Variants in ERBB4 observed in about 807,000 individuals in gnomAD.
ERBB4 encodes erb-b2 receptor tyrosine kinase 4, also known as receptor tyrosine-protein kinase erbB-4.
A neutral mutation model predicts 158.0 loss-of-function variants in ERBB4; 42 were observed. The ratio of observed to expected loss-of-function variants is 0.27; its 90% CI spans 0.21 to 0.34. ERBB4 has a LOEUF of 0.34. ERBB4 is among the 10% of genes least tolerant of loss of function. The pLI is 1.00. For synonymous variants in ERBB4, 583 were observed against 558.7 expected, an observed-to-expected ratio of 1.04 and a Z score of -0.61; for missense variants, 1,333 against 1,624.1, an observed-to-expected ratio of 0.82 and a Z score of 3.08.
chr2:211,718,966 A>G (rs1481637507), intron 7 of ERBB4, among the ~76,000 whole-genome samples: 1 of 152,220 alleles, frequency 6.6e-6, no homozygotes, highest in Admixed American at 6.5e-5. Context: ...ACCAGGGAAT[A>G]GGTCCTACAG....
At chr2:211,780,714 C>G (rs866281455) in intron 4 of ERBB4, among the ~76,000 whole-genome samples, 1 of 152,150 alleles carries the variant, frequency 6.6e-6, no homozygotes, top group Non-Finnish European at 1.5e-5. Flanking sequence ...GTTCTCTTTG[C>G]TAATATTTTA....
At chr2:211,774,273 T>C (rs189769385) in intron 4 of ERBB4, among the ~76,000 whole-genome samples, 50 of 152,174 alleles carry the variant, frequency 3.3e-4, no homozygotes, top group African/African-American at 1.2e-3. Context: ...GGTTTCACCA[T>C]GTTGGCCAGG....
intron 20 of ERBB4, among the ~76,000 whole-genome samples, chr2:211,511,387 A>G (rs2065881690): frequency 6.6e-6 from 1 of 152,098 alleles, no homozygotes. Flanking sequence ...ATGTTCTTGA[A>G]TAAATACAGA....
chr2:212,212,643 C>G, intron 1 of ERBB4, among the ~76,000 whole-genome samples: 1 of 152,094 alleles, frequency 6.6e-6, no homozygotes, highest in African/African-American at 2.4e-5. Context: ...AAGCTGGAGG[C>G]GTCAGGCTAC....
At chr2:211,421,833 T>A (rs2063520549) in intron 24 of ERBB4, among the ~76,000 whole-genome samples, 174 bp downstream of exon 24, 3 of 151,954 alleles carry the variant, frequency 2.0e-5, no homozygotes, top group South Asian at 2.1e-4. Flanking sequence ...TGCTAAAAGG[T>A]GGATCTGACG....
intron 2 of ERBB4, among the ~76,000 whole-genome samples, chr2:212,038,397 C>CT (rs2077063729): frequency 6.6e-6 from 1 of 152,036 alleles, no homozygotes; most frequent in Non-Finnish European, 1.5e-5. Context: ...TTCTCCAAGG[C>CT]TTTTTACTAC....
intron 3 of ERBB4, among the ~76,000 whole-genome samples, chr2:211,887,975 C>T (rs953531570): frequency 6.6e-6 from 1 of 152,144 alleles, no homozygotes; most frequent in Non-Finnish European, 1.5e-5. Flanking sequence ...AAATTAGGCT[C>T]TCATTAACAT....
intron 25 of ERBB4, among the ~76,000 whole-genome samples, chr2:211,415,107 CTTTTT>C (rs71047175): frequency 6.5e-4 from 47 of 72,538 alleles, no homozygotes; most frequent in Admixed American, 1.9e-3. Context: ...CTTACATTTT[CTTTTT>C]TTTTTTTTTT....
chr2:211,574,930 A>G (rs139360201), intron 19 of ERBB4, among the ~76,000 whole-genome samples: 6 of 152,346 alleles, frequency 3.9e-5, no homozygotes, highest in African/African-American at 1.4e-4. Context: ...TTCTTGTTGA[A>G]TTATGTCAGC....
intron 15 of ERBB4, among the ~76,000 whole-genome samples, chr2:211,662,243 T>G (rs564721271): frequency 6.6e-6 from 1 of 151,982 alleles, no homozygotes; most frequent in East Asian, 1.9e-4. Flanking sequence ...AAACGGACAT[T>G]AAATGAGCAC....
At chr2:211,762,737 T>G (rs2075446743) in intron 4 of ERBB4, among the ~76,000 whole-genome samples, 1 of 152,216 alleles carries the variant, frequency 6.6e-6, no homozygotes, top group Non-Finnish European at 1.5e-5. Flanking sequence ...AGAAATTTAC[T>G]GCTCTCAAAG....
chr2:212,017,369 A>C (rs2076552527), intron 2 of ERBB4, among the ~76,000 whole-genome samples: 1 of 152,130 alleles, frequency 6.6e-6, no homozygotes, highest in South Asian at 2.1e-4. Context: ...GTATAACCCA[A>C]AACTCATTTG....
chr2:212,026,656 A>C (rs1188993419), intron 2 of ERBB4, among the ~76,000 whole-genome samples: 2 of 151,870 alleles, frequency 1.3e-5, no homozygotes, highest in African/African-American at 2.4e-5. Flanking sequence ...ATGGAATATG[A>C]ATCTCCTCCC....
At chr2:212,520,283 AAAGTT>A (rs1380803384) in intron 1 of ERBB4, among the ~76,000 whole-genome samples, 1 of 151,932 alleles carries the variant, frequency 6.6e-6, no homozygotes, top group African/African-American at 2.4e-5. Flanking sequence ...AGTAAAGTAA[AAAGTT>A]GAGTTGAAAC....
chr2:212,021,226 A>C (rs2125328047), intron 2 of ERBB4, among the ~76,000 whole-genome samples: 1 of 152,278 alleles, frequency 6.6e-6, no homozygotes, highest in African/African-American at 2.4e-5. Context: ...CCTATTCAAT[A>C]GGTATAATAA....
intron 1 of ERBB4, among the ~76,000 whole-genome samples, chr2:212,326,853 G>A (rs1230312605): frequency 6.6e-6 from 1 of 151,028 alleles, no homozygotes; most frequent in Non-Finnish European, 1.5e-5. Context: ...GTATGTGTAT[G>A]TCTGTCTGTA....
At chr2:212,254,959 A>G (rs2084672319) in intron 1 of ERBB4, among the ~76,000 whole-genome samples, 2 of 152,202 alleles carry the variant, frequency 1.3e-5, no homozygotes, top group Non-Finnish European at 2.9e-5. Context: ...CTAAGAGCCG[A>G]GTAAGGAGTA....
At chr2:212,309,606 A>G (rs2106232676) in intron 1 of ERBB4, among the ~76,000 whole-genome samples, 1 of 150,848 alleles carries the variant, frequency 6.6e-6, no homozygotes, top group East Asian at 2.0e-4. Flanking sequence ...GCAAATAAGT[A>G]CTCTTTAAAT....
intron 4 of ERBB4, among the ~76,000 whole-genome samples, chr2:211,782,768 T>A (rs1357949554): frequency 1.3e-5 from 2 of 152,216 alleles, no homozygotes; most frequent in Non-Finnish European, 2.9e-5. Flanking sequence ...CTGTTTGGGT[T>A]ACTGTAGCCT....
Sources: gnomAD v4.1 joint callset for allele counts (sites outside exome capture counted in the v4.1 genomes callset) on GRCh38, gnomAD v4.1.1 for gene constraint, MANE v1.5 for transcripts, NCBI Gene and HGNC (gene_info 2026-07-23, HGNC 2026-07-21) for gene names.